Variants in BMP5 observed in about 807,000 individuals in gnomAD.
The protein encoded by BMP5 is bone morphogenetic protein 5.
In BMP5, 23 loss-of-function variants were observed where a neutral mutation model predicts 46.6. The observed-to-expected ratio is 0.49, with a 90% CI of 0.35 to 0.70. The LOEUF (loss-of-function observed/expected upper bound fraction) is 0.70, where lower values mean the gene tolerates loss of function less well. Ranked by LOEUF, BMP5 falls within the 30% of genes least tolerant of loss-of-function variation. The pLI is 0.00. For missense variants in BMP5, 545 were observed against 565.6 expected (o/e 0.96, Z 0.37); for synonymous variants, 204 against 191.9 (o/e 1.06, Z -0.52).
Position 55,755,650 on chromosome 6 carries a change from C to T in BMP5, c.1248G>A (p.Lys416=), listed in dbSNP as rs1194137682. The part of the protein sequence containing the change: ...VHLMFPDHVP[K]PCCAPTKLNA... ...TTAATTTGGTTGGAGCACAACAAGG[C>T]TTTGGTACGTGGTCAGGAAACATCA... Residue 416 remains lysine (K), a synonymous_variant, in exon 7 of 7, where the codon AAG becomes AAA. Transcript: ENST00000370830. The T allele has an allele frequency of 6.2e-7, 1 of 1,612,238 alleles. No homozygotes were observed. The highest frequency in any genetic ancestry group is 8.5e-7 in the Non-Finnish European group (1 of 1,178,892).
intron 2 of BMP5, among the ~76,000 whole-genome samples, chr6:55,814,906 G>A (rs1004378843): frequency 3.3e-5 from 5 of 152,148 alleles, no homozygotes; most frequent in African/African-American, 1.2e-4. Context: ...GAGGCGGGTG[G>A]ATCACCTGAG....
At chr6:55,832,830 T>C (rs1436096862) in intron 1 of BMP5, among the ~76,000 whole-genome samples, 1 of 152,064 alleles carries the variant, frequency 6.6e-6, no homozygotes, top group Non-Finnish European at 1.5e-5. Context: ...TAAGTCATAG[T>C]ACAGGTGCAG....
At chr6:55,866,820 G>A (rs1003041124) in intron 1 of BMP5, among the ~76,000 whole-genome samples, 1 of 151,930 alleles carries the variant, frequency 6.6e-6, no homozygotes, top group Admixed American at 6.6e-5. Flanking sequence ...TTTTCTTTCA[G>A]CATGCCATGC....
chr6:55,863,023 G>T (rs1777559246), intron 1 of BMP5, among the ~76,000 whole-genome samples: 1 of 152,088 alleles, frequency 6.6e-6, no homozygotes, highest in African/African-American at 2.4e-5. Flanking sequence ...AAGGATTCTG[G>T]GCCTGGACCT....
At chr6:55,834,307 C>T (rs1424099651) in intron 1 of BMP5, among the ~76,000 whole-genome samples, 2 of 152,068 alleles carry the variant, frequency 1.3e-5, no homozygotes, top group Non-Finnish European at 2.9e-5. Context: ...TCCTTTAATC[C>T]TGCTTTTCAT....
intron 1 of BMP5, among the ~76,000 whole-genome samples, chr6:55,857,747 G>A (rs931679361): frequency 6.6e-6 from 1 of 151,922 alleles, no homozygotes; most frequent in East Asian, 1.9e-4. Context: ...ATTTATTTTT[G>A]GTTTTTTTGA....
intron 1 of BMP5, among the ~76,000 whole-genome samples, chr6:55,870,959 A>C (rs1001173526): frequency 2.0e-5 from 3 of 152,052 alleles, no homozygotes; most frequent in African/African-American, 7.2e-5. Flanking sequence ...GAATATGTAG[A>C]TACAAAGAAT....
chr6:55,759,184 C>CAAAAAAAAAAAAAAAAAAAAAAAAAAAAA, intron 5 of BMP5, 69 bp from the exon 6 acceptor site: 1 of 359,298 alleles, frequency 2.8e-6, no homozygotes. Flanking sequence ...AAAAAAAAAA[C>CAAAAAAAAAAAAAAAAAAAAAAAAAAAAA]AACAAGAAAA....
At chr6:55,861,374 T>G (rs1159659697) in intron 1 of BMP5, among the ~76,000 whole-genome samples, 1 of 152,216 alleles carries the variant, frequency 6.6e-6, no homozygotes, top group Non-Finnish European at 1.5e-5. Context: ...TAATACTTTA[T>G]TCCAATCTCC....
Position 55,813,711 on chromosome 6 carries a change from A to C in BMP5, c.683+5944T>G, listed in dbSNP as rs1046911090. 6.0e-5 allele frequency among the ~76,000 whole-genome samples: 9 copies of C among 151,090 alleles called. No homozygotes were observed. The South Asian group carries it at 8.4e-4, about 14-fold the overall frequency. ...CTGAGGCAGGAGAACAGCGTGAACC[A>C]GGGAGACGGAGCTTGCAGTGAGCAG... is the stretch of plus-strand genomic sequence containing the variant. On this transcript the variant is annotated intron_variant, in intron 2 of 6. Coordinates refer to ENST00000370830, the MANE Select transcript of BMP5 (RefSeq NM_021073.4).
intron 2 of BMP5, among the ~76,000 whole-genome samples, chr6:55,811,701 T>TTC (rs142193968): frequency 4.0e-5 from 6 of 150,790 alleles, no homozygotes; most frequent in South Asian, 4.2e-4. Flanking sequence ...CTCTCTCTCT[T>TTC]TCTCTCTCTC....
intron 1 of BMP5, among the ~76,000 whole-genome samples, chr6:55,851,931 C>T (rs796103886): frequency 9.9e-5 from 15 of 152,270 alleles, no homozygotes; most frequent in African/African-American, 3.4e-4. Flanking sequence ...GAGTGAATGA[C>T]TCTGCAAGAA....
At chr6:55,790,157 G>A (rs1775542249) in intron 3 of BMP5, among the ~76,000 whole-genome samples, 1 of 152,112 alleles carries the variant, frequency 6.6e-6, no homozygotes, top group Admixed American at 6.6e-5. Flanking sequence ...CTGTATTGTG[G>A]TTTGCTCTAC....
chr6:55,772,625 G>C (rs1775074540), intron 4 of BMP5: 1 of 462,616 alleles, frequency 2.2e-6, no homozygotes, highest in Non-Finnish European at 2.8e-6. Context: ...AGTAATTACA[G>C]CTTTTTGCCA....
intron 2 of BMP5, among the ~76,000 whole-genome samples, chr6:55,816,834 T>G (rs1776283341): frequency 6.6e-6 from 1 of 152,040 alleles, no homozygotes; most frequent in Non-Finnish European, 1.5e-5. Flanking sequence ...TGTGTGTGTG[T>G]TGTCACTGTA....
chr6:55,805,209 T>A (rs1045277215), intron 2 of BMP5, among the ~76,000 whole-genome samples: 2 of 152,198 alleles, frequency 1.3e-5, no homozygotes, highest in Admixed American at 1.3e-4. Flanking sequence ...GCCAATAAGC[T>A]GTAAGACTCA....
chr6:55,874,218 C>A (rs1777847669), intron 1 of BMP5, among the ~76,000 whole-genome samples, 158 bp downstream of exon 1: 1 of 151,748 alleles, frequency 6.6e-6, no homozygotes, highest in Non-Finnish European at 1.5e-5. Context: ...TGACTTTTTG[C>A]CTAAGGCATC....
chr6:55,796,584 T>C (rs139522127), intron 2 of BMP5, among the ~76,000 whole-genome samples: 3,395 of 152,092 alleles, frequency 0.022, 60 homozygotes, highest in Middle Eastern at 0.065. Flanking sequence ...TGTGCCATGC[T>C]GGTGCGCTGC....
chr6:55,794,710 C>G (rs1279406129), intron 2 of BMP5, among the ~76,000 whole-genome samples: 1 of 152,048 alleles, frequency 6.6e-6, no homozygotes, highest in Admixed American at 6.5e-5. Flanking sequence ...TTAATTTGAT[C>G]CCTGGTCATC....
Sources: gnomAD v4.1 joint callset for allele counts (sites outside exome capture counted in the v4.1 genomes callset) on GRCh38, gnomAD v4.1.1 for gene constraint, MANE v1.5 for transcripts, NCBI Gene and HGNC (gene_info 2026-07-23, HGNC 2026-07-21) for gene names.